DNMT3A: variants seen among roughly 807,000 people sequenced by gnomAD.
DNMT3A encodes DNA methyltransferase 3 alpha.
DNMT3A carries 267 observed loss-of-function variants against 117.6 expected under a neutral mutation model. The ratio of observed to expected loss-of-function variants is 2.27; its 90% CI spans 2.05 to 2.51. DNMT3A has a LOEUF of 2.51. DNMT3A is among the 30% of genes most tolerant of loss of function. The pLI is 0.00. For synonymous variants in DNMT3A, 432 were observed against 474.8 expected, an observed-to-expected ratio of 0.91 and a Z score of 1.17; for missense variants, 1,029 against 1,260.2, an observed-to-expected ratio of 0.82 and a Z score of 2.78.
At chr2:25,301,551 A>C (rs1051436738) in intron 2 of DNMT3A, among the ~76,000 whole-genome samples, 3 of 152,058 alleles carry the variant, frequency 2.0e-5, no homozygotes, top group African/African-American at 7.2e-5. Context: ...CTGGGCCCTG[A>C]CATGCTTGTC....
At chr2:25,251,331 CG>C (rs1286032542) in intron 6 of DNMT3A, among the ~76,000 whole-genome samples, 3 of 151,278 alleles carry the variant, frequency 2.0e-5, no homozygotes, top group Non-Finnish European at 2.9e-5. Flanking sequence ...GGGGTGAACT[CG>C]AGGCTCTCGC....
At position 25,233,203 on chromosome 2, in the gene DNMT3A, C is replaced by A; in HGVS notation, c.*1076G>T. 1 of 233,694 alleles carries A rather than the reference C, an allele frequency of 4.3e-6. No homozygotes were observed. Among genetic ancestry groups the A allele is most frequent in the East Asian group, 6.0e-5 (1 of 16,710 alleles). 14.5% of individuals were successfully genotyped at this position (233,694 alleles called of 1,614,324 possible). On this transcript the variant is annotated 3_prime_UTR_variant, in exon 23 of 23. Transcript: ENST00000321117. The stretch of plus-strand genomic sequence containing the variant: ...GATGAATCCCACTCTCAGCTGTCCA[C>A]GGGCCCGACCACCTCATCTAGCCCC...
At chr2:25,312,759 G>A (rs2034189784) in intron 2 of DNMT3A, among the ~76,000 whole-genome samples, 1 of 152,216 alleles carries the variant, frequency 6.6e-6, no homozygotes, top group Admixed American at 6.5e-5. Context: ...GTAAACCCAG[G>A]AAGGAGCTGA....
chr2:25,276,285 A>G (rs2031400982), intron 4 of DNMT3A, among the ~76,000 whole-genome samples: 1 of 152,000 alleles, frequency 6.6e-6, no homozygotes, highest in Non-Finnish European at 1.5e-5. Flanking sequence ...TTTGGATTCC[A>G]GTGTGACCTC....
intron 2 of DNMT3A, among the ~76,000 whole-genome samples, chr2:25,312,365 C>T (rs1002172419): frequency 6.6e-6 from 1 of 152,222 alleles, no homozygotes; most frequent in African/African-American, 2.4e-5. Flanking sequence ...GGAGCCTGAT[C>T]GGTCGCCCCG....
intron 1 of DNMT3A, among the ~76,000 whole-genome samples, chr2:25,338,520 G>A (rs1466870047): frequency 6.6e-6 from 1 of 152,168 alleles, no homozygotes; most frequent in African/African-American, 2.4e-5. Context: ...GCGCACAGCA[G>A]CAGGGGGAAG....
In DNMT3A at chr2:25,337,898, C is replaced by T. The variant is rs778954933; in HGVS notation, c.-178+3928G>A. On this transcript the variant is annotated intron_variant, in intron 1 of 22. Coordinates refer to ENST00000321117, the MANE Select transcript of DNMT3A (RefSeq NM_022552.5). The surrounding 1 kb of genome is among the most constrained non-coding windows in gnomAD (Gnocchi z 5.0). ...AGGAACAGCAAAGTCCCTGCAGAAA[C>T]CCAGCCTCAGGCCAGGTGGGCTTCT... Among the ~76,000 whole-genome samples, 1 of 152,212 alleles carries T rather than the reference C, an allele frequency of 6.6e-6. No individual in the cohort carries two copies. The highest frequency in any genetic ancestry group is 1.5e-5 in the Non-Finnish European group (1 of 68,048).
chr2:25,309,824 C>T (rs552577935), intron 2 of DNMT3A, among the ~76,000 whole-genome samples: 6 of 151,952 alleles, frequency 3.9e-5, no homozygotes, highest in East Asian at 1.9e-4. Context: ...GAGGCCGAGG[C>T]GGGTGGATCA....
At chr2:25,284,757 G>T (rs1212799539) in intron 3 of DNMT3A, among the ~76,000 whole-genome samples, 1 of 149,720 alleles carries the variant, frequency 6.7e-6, no homozygotes, top group African/African-American at 2.5e-5. Flanking sequence ...CTCCCCTAAG[G>T]TACCCATTAT....
chr2:25,299,610 C>T (rs1050050368), intron 3 of DNMT3A, among the ~76,000 whole-genome samples: 32 of 152,228 alleles, frequency 2.1e-4, no homozygotes, highest in Non-Finnish European at 8.8e-5. Context: ...CCTGGCTTCT[C>T]AGGGCCTCCA....
intron 6 of DNMT3A, among the ~76,000 whole-genome samples, chr2:25,274,147 T>G (rs530044895): frequency 6.6e-6 from 1 of 152,220 alleles, no homozygotes; most frequent in South Asian, 2.1e-4. Context: ...TCTTCCCATC[T>G]GAGCAAATGG....
intron 3 of DNMT3A, among the ~76,000 whole-genome samples, chr2:25,289,379 C>T (rs937375397): frequency 1.1e-4 from 17 of 152,226 alleles, no homozygotes; most frequent in African/African-American, 3.1e-4. Context: ...GGATTACAGG[C>T]GTGAGCCACC....
intron 16 of DNMT3A, among the ~76,000 whole-genome samples, chr2:25,242,913 T>G (rs772441131): frequency 1.2e-4 from 6 of 49,554 alleles, no homozygotes; most frequent in African/African-American, 1.9e-4. Context: ...GCACTACTTA[T>G]AATAATAATA....
At chr2:25,324,530 C>G (rs545901955) in intron 1 of DNMT3A, among the ~76,000 whole-genome samples, 213 of 152,308 alleles carry the variant, frequency 1.4e-3, no homozygotes, top group African/African-American at 5.1e-3. Flanking sequence ...AGTCCCATGG[C>G]TAAATTTCCT....
chr2:25,300,746 T>C (rs1445883564), intron 2 of DNMT3A, among the ~76,000 whole-genome samples: 7 of 52,946 alleles, frequency 1.3e-4, no homozygotes, highest in East Asian at 7.4e-4. Context: ...TATATATATA[T>C]ATATATATAT....
intron 6 of DNMT3A, among the ~76,000 whole-genome samples, chr2:25,270,570 G>C (rs1441948842): frequency 1.3e-5 from 2 of 152,210 alleles, no homozygotes; most frequent in Non-Finnish European, 2.9e-5. Flanking sequence ...CCTGAAGGCT[G>C]GGTGGTTTGT....
chr2:25,292,100 CA>C (rs562900730), intron 3 of DNMT3A, among the ~76,000 whole-genome samples: 1 of 151,590 alleles, frequency 6.6e-6, no homozygotes, highest in African/African-American at 2.4e-5. Context: ...ACTAAAAATA[CA>C]AAAAAAATGG....
chr2:25,278,158 C>A (rs954887883), intron 4 of DNMT3A, among the ~76,000 whole-genome samples: 24 of 152,222 alleles, frequency 1.6e-4, no homozygotes, highest in African/African-American at 5.3e-4. Flanking sequence ...CTGGCCCAGG[C>A]CCAGGGTCAC....
intron 14 of DNMT3A, 91 bp downstream of exon 14, chr2:25,244,449 G>A (rs1050748674): frequency 3.8e-6 from 6 of 1,579,946 alleles, no homozygotes; most frequent in African/African-American, 1.3e-5. Context: ...GGGGGTGGAG[G>A]GTCTGTGGGG....
Sources: gnomAD v4.1 joint callset for allele counts (sites outside exome capture counted in the v4.1 genomes callset) on GRCh38, gnomAD v4.1.1 for gene constraint, Gnocchi (gnomAD v3.1) non-coding constraint, MANE v1.5 for transcripts, NCBI Gene and HGNC (gene_info 2026-07-23, HGNC 2026-07-21) for gene names.